Variants in ANAPC4 observed in about 807,000 individuals in gnomAD.
The protein encoded by ANAPC4 is anaphase-promoting complex subunit 4.
A neutral mutation model predicts 119.8 loss-of-function variants in ANAPC4; 63 were observed. That is an observed-to-expected ratio of 0.53 (90% CI 0.43 to 0.65). The LOEUF (loss-of-function observed/expected upper bound fraction) is 0.65, where lower values mean the gene tolerates loss of function less well. Among genes scored for constraint, ANAPC4 ranks in the 30% least tolerant of loss-of-function variants. The probability of loss-of-function intolerance (pLI) is 0.00; values close to 1 mark genes in which losing one functional copy is unlikely to be tolerated. For synonymous variants in ANAPC4, 283 were observed against 318.6 expected, an observed-to-expected ratio of 0.89 and a Z score of 1.19; for missense variants, 716 against 945.1, an observed-to-expected ratio of 0.76 and a Z score of 3.18.
intron 16 of ANAPC4, among the ~76,000 whole-genome samples, chr4:25,400,417 C>A (rs1031447873): frequency 6.6e-6 from 1 of 152,092 alleles, no homozygotes; most frequent in Non-Finnish European, 1.5e-5. Context: ...AGATAGGGGA[C>A]GTTCCCTTCA....
intron 7 of ANAPC4, among the ~76,000 whole-genome samples, 191 bp from the exon 8 acceptor site, chr4:25,389,945 T>G (rs1722251974): frequency 6.6e-6 from 1 of 152,182 alleles, no homozygotes; most frequent in Admixed American, 6.5e-5. Flanking sequence ...AAATTTGTGT[T>G]CTTTGAAAAA....
At chr4:25,383,512 G>A in intron 4 of ANAPC4, 119 bp downstream of exon 4, 1 of 983,518 alleles carries the variant, frequency 1.0e-6, no homozygotes, top group Non-Finnish European at 1.4e-6. Context: ...TTTGGTTTCA[G>A]TTTATCAAGA....
chr4:25,404,282 A>G (rs183018294), intron 17 of ANAPC4, among the ~76,000 whole-genome samples: 187 of 152,332 alleles, frequency 1.2e-3, no homozygotes, highest in Admixed American at 2.2e-3. Flanking sequence ...AGAATGAGGA[A>G]CCAGAGAGCT....
intron 22 of ANAPC4, 159 bp downstream of exon 22, chr4:25,413,901 C>CTAAT: frequency 1.7e-6 from 1 of 597,906 alleles, no homozygotes. Context: ...ATGGTTCAAC[C>CTAAT]TAATACTCCA....
intron 28 of ANAPC4, 173 bp from the exon 29 acceptor site, chr4:25,417,982 A>G (rs990784128): frequency 2.3e-5 from 19 of 831,414 alleles, no homozygotes; most frequent in Non-Finnish European, 3.5e-5. Context: ...CACTGTTGTT[A>G]TGTGGAGATC....
rs1722182558 is a variant in ANAPC4 at position 25,388,864 on chromosome 4, A to C, written c.497A>C (p.Lys166Thr). 2 of 1,601,402 alleles carry C rather than the reference A, an allele frequency of 1.2e-6. No homozygotes were observed. The highest frequency in any genetic ancestry group is 1.3e-5 in the African/African-American group (1 of 74,540). Reference sequence around the variant, plus strand: ...GAAGAAAATTCTGATGAAATTATTAAGCTCTTGGGAGACGTCAGGTAAATC... The same window carrying C: ...GAAGAAAATTCTGATGAAATTATTACGCTCTTGGGAGACGTCAGGTAAATC... ...FSEENSDEII[K>T]LLGDVRLNIL... Residue 166 changes from lysine (K) to threonine (T), a missense_variant, in exon 7 of 29, where the codon AAG (lysine) becomes ACG (threonine). Physicochemically the swap from Lys to Thr is moderately conservative, Grantham distance 78 (BLOSUM62 -1). Transcript: ENST00000315368.
intron 7 of ANAPC4, among the ~76,000 whole-genome samples, chr4:25,389,597 C>T (rs945239271): frequency 4.6e-5 from 7 of 152,168 alleles, no homozygotes; most frequent in Admixed American, 6.6e-5. Flanking sequence ...CTGGCCTTAT[C>T]GTTGACATTA....
intron 10 of ANAPC4, among the ~76,000 whole-genome samples, chr4:25,393,301 C>T (rs754750751): frequency 1.5e-4 from 23 of 152,254 alleles, no homozygotes; most frequent in Admixed American, 4.6e-4. Context: ...TTCTAAGAAT[C>T]AATGGAATGT....
At chr4:25,413,819 C>T (rs1156707772) in intron 22 of ANAPC4, 77 bp downstream of exon 22, 1 of 1,134,108 alleles carries the variant, frequency 8.8e-7, no homozygotes. Flanking sequence ...TGTAAATGAT[C>T]TTAATTTTTA....
intron 16 of ANAPC4, among the ~76,000 whole-genome samples, chr4:25,400,843 C>T (rs1722924415): frequency 6.6e-6 from 1 of 151,672 alleles, no homozygotes; most frequent in African/African-American, 2.4e-5. Flanking sequence ...AAGGTGGGGG[C>T]CCTGGAGAGA....
chr4:25,418,457 C>A lies in ANAPC4; in HGVS notation c.*75C>A. 1 of 1,220,518 alleles carries A rather than the reference C, an allele frequency of 8.2e-7. No individual in the cohort carries two copies. The highest frequency in any genetic ancestry group is 1.2e-6 in the Non-Finnish European group (1 of 855,844). The allele number at this position is 1,220,518 out of a possible 1,614,324, so 75.6% of individuals were successfully genotyped here. On this transcript the variant is annotated 3_prime_UTR_variant, in exon 29 of 29. Coordinates refer to ENST00000315368, the MANE Select transcript of ANAPC4 (RefSeq NM_013367.3). ...GATGGACTAAGATGTCTTGGACCACCTTTGTGTAACAAAGAAATAAACAGT... is the reference window on the plus strand; with the variant it reads ...GATGGACTAAGATGTCTTGGACCACATTTGTGTAACAAAGAAATAAACAGT...
At chr4:25,417,885 G>A (rs1432672466) in intron 28 of ANAPC4, 146 bp downstream of exon 28, 2 of 1,155,600 alleles carry the variant, frequency 1.7e-6, no homozygotes, top group African/African-American at 3.1e-5. Flanking sequence ...TTATGATCAT[G>A]TGGTGGCCTT....
At chr4:25,395,594 C>T (rs908523249) in intron 14 of ANAPC4, among the ~76,000 whole-genome samples, 7 of 152,208 alleles carry the variant, frequency 4.6e-5, no homozygotes, top group African/African-American at 9.6e-5. Context: ...GGATTACAGG[C>T]GCAAACCACT....
At chr4:25,403,130 G>A (rs1355298753) in intron 17 of ANAPC4, 104 bp downstream of exon 17, 2 of 883,556 alleles carry the variant, frequency 2.3e-6, no homozygotes, top group Non-Finnish European at 3.4e-6. Flanking sequence ...CAAATACTTT[G>A]AGAGAACTAT....
chr4:25,377,369 G>T lies in ANAPC4; in HGVS notation c.-11+25G>T. 1.9e-6 allele frequency: 3 copies of T among 1,600,420 alleles called. No individual in the cohort carries two copies. The South Asian group carries it at 3.4e-5, about 18-fold the overall frequency. On this transcript the variant is annotated intron_variant, in intron 1 of 28. Transcript: ENST00000315368. ...GGTACAGGCGCGGTCGGGGCTCCTC[G>T]TGGAGAGCCGGGGGCTCCTGCCGGC...
At chr4:25,396,639 A>G (rs1351384707) in intron 14 of ANAPC4, 25 bp from the exon 15 acceptor site, 1 of 1,517,286 alleles carries the variant, frequency 6.6e-7, no homozygotes, top group African/African-American at 1.4e-5. Context: ...CATGATACTA[A>G]TTTATTTCTG....
chr4:25,377,579 GC>G (rs1721480471), intron 2 of ANAPC4, 23 bp downstream of exon 2: 1 of 1,588,594 alleles, frequency 6.3e-7, no homozygotes, highest in Non-Finnish European at 8.5e-7. Flanking sequence ...GCGGGAGCCC[GC>G]CTGTGCTGGG....
chr4:25,410,006 G>A (rs1023031823), intron 21 of ANAPC4, among the ~76,000 whole-genome samples: 3 of 152,190 alleles, frequency 2.0e-5, no homozygotes, highest in Non-Finnish European at 4.4e-5. Context: ...TACGCTGTAG[G>A]AAGATTGCTT....
In ANAPC4 at chr4:25,392,323, CTT is replaced by C. The variant is rs761213930; in HGVS notation, c.706-12_706-11del. The C allele has an allele frequency of 3.1e-6, 5 of 1,588,594 alleles. No individual in the cohort carries two copies. The highest frequency in any genetic ancestry group is 1.1e-5 in the South Asian group (1 of 90,006). On this transcript the variant is annotated splice_polypyrimidine_tract_variant and intron_variant, in intron 9 of 28. Coordinates refer to ENST00000315368, the MANE Select transcript of ANAPC4 (RefSeq NM_013367.3). The stretch of plus-strand genomic sequence containing the variant: ...GCATCTGATGATGACTCACTTTACT[CTT>C]TTGATTTTACAGCTTGAAACTAATC...
Sources: gnomAD v4.1 joint callset for allele counts (sites outside exome capture counted in the v4.1 genomes callset) on GRCh38, gnomAD v4.1.1 for gene constraint, MANE v1.5 for transcripts, NCBI Gene and HGNC (gene_info 2026-07-23, HGNC 2026-07-21) for gene names.